Variants in RGS12 observed in about 807,000 individuals in gnomAD.
RGS12 encodes the protein regulator of G-protein signaling 12.
In RGS12, 66 loss-of-function variants were observed where a neutral mutation model predicts 120.1. The ratio of observed to expected loss-of-function variants is 0.55; its 90% confidence interval spans 0.45 to 0.67. The LOEUF is 0.67. RGS12 is among the 30% of genes least tolerant of loss of function. The pLI is 0.00. For missense variants in RGS12, 1,859 were observed against 1,957.7 expected (o/e 0.95, Z 0.95); for synonymous variants, 827 against 804.7 (o/e 1.03, Z -0.47).
intron 3 of RGS12, among the ~76,000 whole-genome samples, chr4:3,355,794 C>CAAAAAAAA (rs372490658): frequency 5.2e-5 from 3 of 58,050 alleles, no homozygotes; most frequent in Admixed American, 2.1e-4. Flanking sequence ...GACCTTGTCT[C>CAAAAAAAA]AAAAAAAAAA....
At chr4:3,362,661 CTG>C (rs1715756140) in intron 3 of RGS12, among the ~76,000 whole-genome samples, 1 of 123,706 alleles carries the variant, frequency 8.1e-6, no homozygotes, top group East Asian at 2.5e-4. Flanking sequence ...CAGTGTGGGA[CTG>C]AGGCTGAGTG....
chr4:3,426,961 A>G (rs1723723309), intron 14 of RGS12, among the ~76,000 whole-genome samples: 1 of 152,104 alleles, frequency 6.6e-6, no homozygotes. Flanking sequence ...GGCCCTGATG[A>G]TGTCACGCAG....
intron 4 of RGS12, among the ~76,000 whole-genome samples, chr4:3,392,470 C>G (rs1719603912): frequency 6.6e-6 from 1 of 152,142 alleles, no homozygotes; most frequent in Non-Finnish European, 1.5e-5. Context: ...GTTTCATGTT[C>G]AGGCTTCTGT....
intron 14 of RGS12, 51 bp downstream of exon 14, chr4:3,425,611 AG>A: frequency 1.1e-6 from 1 of 921,812 alleles, no homozygotes; most frequent in Admixed American, 2.5e-5. Flanking sequence ...GGTCCAGTGC[AG>A]GGGAGGGGGC....
Position 3,389,089 on chromosome 4 carries a change from A to G in RGS12, c.2020+2652A>G, listed in dbSNP as rs1333093079. ...GCCACGGTTTCATTCTGTGACGCGT[A>G]TCGTGCTTTTATAGCTTAGGCTCTC... On this transcript the variant is annotated intron_variant, in intron 4 of 17. Coordinates refer to ENST00000336727, the MANE Select transcript of RGS12 (RefSeq NM_001394154.1). The surrounding 1 kb of genome is among the most constrained non-coding windows in gnomAD (Gnocchi z 5.2). Among the ~76,000 whole-genome samples the G allele has an allele frequency of 1.3e-5, 2 of 152,170 alleles. No homozygotes were observed. Among genetic ancestry groups the G allele is most frequent in the Non-Finnish European group, 2.9e-5 (2 of 68,036 alleles).
intron 2 of RGS12, among the ~76,000 whole-genome samples, chr4:3,329,153 G>A (rs76593313): frequency 4.3e-4 from 65 of 152,290 alleles, no homozygotes; most frequent in Non-Finnish European, 6.8e-4. Context: ...CTGAGCTGTG[G>A]GTCAAGAAGA....
At chr4:3,406,758 C>T (rs1428558348) in intron 4 of RGS12, among the ~76,000 whole-genome samples, 2 of 152,202 alleles carry the variant, frequency 1.3e-5, no homozygotes, top group Non-Finnish European at 2.9e-5. Context: ...GGGGCAGGAG[C>T]AACAGAGGTG....
upstream of RGS12, among the ~76,000 whole-genome samples, chr4:3,290,921 C>T (rs150417773): frequency 3.9e-5 from 6 of 152,370 alleles, no homozygotes; most frequent in African/African-American, 7.2e-5. Flanking sequence ...ACCTTCTCTC[C>T]GTCTCAGGCA....
intron 4 of RGS12, among the ~76,000 whole-genome samples, chr4:3,388,635 C>T (rs966468814): frequency 2.6e-5 from 4 of 152,158 alleles, no homozygotes; most frequent in African/African-American, 4.8e-5. Flanking sequence ...GAGAGTCCCC[C>T]GCTCCAGCCC....
chr4:3,412,857 G>C (rs904787497), intron 4 of RGS12: 1 of 152,330 alleles, frequency 6.6e-6, no homozygotes, highest in Non-Finnish European at 1.5e-5. Context: ...GGAGACATAC[G>C]TGCTCTGGCA....
intron 1 of RGS12, among the ~76,000 whole-genome samples, chr4:3,309,121 AGCTGGG>A: frequency 1.9e-5 from 2 of 103,376 alleles, no homozygotes; most frequent in African/African-American, 8.1e-5. Flanking sequence ...GTTGAGGAGG[AGCTGGG>A]ACTCGGGAAT....
At chr4:3,395,580 G>A (rs1719970897) in intron 4 of RGS12, among the ~76,000 whole-genome samples, 1 of 152,084 alleles carries the variant, frequency 6.6e-6, no homozygotes, top group Admixed American at 6.6e-5. Flanking sequence ...AGAATTCTAG[G>A]TGTTCAACAT....
intron 15 of RGS12, 157 bp from the exon 16 acceptor site, chr4:3,428,401 G>T: frequency 2.5e-6 from 2 of 784,426 alleles, no homozygotes; most frequent in African/African-American, 3.5e-5. Flanking sequence ...TGCTATTCTT[G>T]TTTGTAATCC....
At chr4:3,431,412 GAC>G in intron 17 of RGS12, 1 of 1,000,864 alleles carries the variant, frequency 1.0e-6, no homozygotes, top group Non-Finnish European at 1.2e-6. Flanking sequence ...AGGGCTCCCA[GAC>G]ACAGGCCCGT....
intron 1 of RGS12, among the ~76,000 whole-genome samples, chr4:3,300,875 C>T (rs1723647233): frequency 6.6e-6 from 1 of 152,206 alleles, no homozygotes; most frequent in Non-Finnish European, 1.5e-5. Context: ...AATCCTTTTC[C>T]AAATAGGGTC....
At position 3,365,292 on chromosome 4, in the gene RGS12, A is replaced by G. The variant is rs757833601; in HGVS notation, c.1999-21124A>G. 1.2e-4 allele frequency among the ~76,000 whole-genome samples: 18 copies of G among 151,796 alleles called. No homozygotes were observed. The highest frequency in any genetic ancestry group is 7.4e-5 in the Non-Finnish European group (5 of 67,942). On this transcript the variant is annotated intron_variant, in intron 3 of 17. Coordinates refer to ENST00000336727, the MANE Select transcript of RGS12 (RefSeq NM_001394154.1). This position sits in a 1 kb window ranked among gnomAD's most constrained non-coding sequence, Gnocchi z 4.0. ...ATGCTACAGCGGCAGAGTGGGGTCG[A>G]GTGCGTGGTGTCGCCTGCACAGCGG...
rs539001530 is a variant in RGS12, at chr4:3,425,295, A to G, written c.3235-169A>G. Among the ~76,000 whole-genome samples the G allele has an allele frequency of 1.4e-4, 21 of 152,146 alleles. No individual in the cohort carries two copies. In the South Asian group the frequency reaches 4.2e-3, roughly 30 times the overall value. The stretch of plus-strand genomic sequence containing the variant: ...TGTAGTCGGGACCCATGTCAGGAGC[A>G]TGGCTCAGCCCCAGCTTGTGTGCCT... On this transcript the variant is annotated intron_variant, in intron 13 of 17. Coordinates refer to ENST00000336727, the MANE Select transcript of RGS12 (RefSeq NM_001394154.1).
At chr4:3,296,534 G>A (rs1297141959) in intron 1 of RGS12, among the ~76,000 whole-genome samples, 1 of 152,186 alleles carries the variant, frequency 6.6e-6, no homozygotes, top group Non-Finnish European at 1.5e-5. Flanking sequence ...TAATCTCCTT[G>A]TCCTGGGAGC....
At chr4:3,408,029 G>T (rs1041814924) in intron 4 of RGS12, among the ~76,000 whole-genome samples, 12 of 152,356 alleles carry the variant, frequency 7.9e-5, no homozygotes, top group African/African-American at 2.6e-4. Flanking sequence ...CTAAGGTGGT[G>T]TTGGGATGTG....
Sources: gnomAD v4.1 joint callset for allele counts (sites outside exome capture counted in the v4.1 genomes callset) on GRCh38, gnomAD v4.1.1 for gene constraint, Gnocchi (gnomAD v3.1) non-coding constraint, MANE v1.5 for transcripts, NCBI Gene and HGNC (gene_info 2026-07-23, HGNC 2026-07-21) for gene names.